Variants in STK3 observed in about 807,000 individuals in gnomAD.
The protein encoded by STK3 is serine/threonine kinase 3.
In STK3, 41 loss-of-function variants were observed where a neutral mutation model predicts 58.0. The observed-to-expected ratio is 0.71, with a 90% confidence interval of 0.55 to 0.92. The LOEUF (loss-of-function observed/expected upper bound fraction) is 0.92, where lower values mean the gene tolerates loss of function less well. Ranked by LOEUF, STK3 falls within the 40% of genes least tolerant of loss-of-function variation. The probability of loss-of-function intolerance (pLI) is 0.00; values close to 1 mark genes in which losing one functional copy is unlikely to be tolerated. For synonymous variants in STK3, 170 were observed against 191.0 expected (o/e 0.89, Z 0.91); for missense variants, 479 against 602.7 (o/e 0.79, Z 2.15).
intron 8 of STK3, among the ~76,000 whole-genome samples, chr8:98,560,287 ACAT>A (rs1458218592): frequency 1.3e-5 from 2 of 152,172 alleles, no homozygotes; most frequent in Non-Finnish European, 2.9e-5. Flanking sequence ...TTTGCAGATG[ACAT>A]CATTGTCTGT....
At chr8:98,698,540 C>T (rs1226286438) in intron 6 of STK3, among the ~76,000 whole-genome samples, 1 of 152,148 alleles carries the variant, frequency 6.6e-6, no homozygotes. Context: ...CCTTCAGGAG[C>T]TCTTTTAGGG....
intron 3 of STK3, among the ~76,000 whole-genome samples, chr8:98,858,509 T>C (rs2131846230): frequency 6.6e-6 from 1 of 151,168 alleles, no homozygotes; most frequent in South Asian, 2.1e-4. Context: ...GTATCTTATG[T>C]TTAACCGAAA....
intron 3 of STK3, among the ~76,000 whole-genome samples, chr8:98,407,837 C>T (rs1304769252): frequency 6.6e-6 from 1 of 152,130 alleles, no homozygotes; most frequent in East Asian, 1.9e-4. Flanking sequence ...TATGCTGTCA[C>T]ATCTCAGCAC....
At position 98,825,624 on chromosome 8, in the gene STK3, T is replaced by C. The variant is rs1395912775; in HGVS notation, c.-84A>G. On this transcript the variant is annotated 5_prime_UTR_variant, in exon 1 of 11. Coordinates refer to ENST00000419617, the MANE Select transcript of STK3 (RefSeq NM_006281.4). ...AGCCGGGGCACCGGCCGGCCGAGCC[T>C]AGGGCACCACAGAGGGAAACTCTGG... The C allele has an allele frequency of 5.3e-6, 7 of 1,330,958 alleles. No homozygotes were observed. Among genetic ancestry groups the C allele is most frequent in the East Asian group, 3.4e-5 (1 of 29,448 alleles). 82.4% of individuals were successfully genotyped at this position (1,330,958 alleles called of 1,614,324 possible).
intron 1 of STK3, among the ~76,000 whole-genome samples, chr8:98,893,522 A>G (rs1041891734): frequency 6.7e-6 from 1 of 150,068 alleles, no homozygotes. Flanking sequence ...GAAAGAAAGA[A>G]AGAAAGAAAG....
chr8:98,503,593 T>C (rs575212448), intron 10 of STK3, among the ~76,000 whole-genome samples: 1 of 152,368 alleles, frequency 6.6e-6, no homozygotes, highest in South Asian at 2.1e-4. Flanking sequence ...GAGAATCTGG[T>C]ACGTTGTGTC....
chr8:98,429,608 C>A, intron 3 of STK3: 1 of 548,414 alleles, frequency 1.8e-6, no homozygotes, highest in Non-Finnish European at 3.3e-6. Context: ...GACACCATGC[C>A]TTTGCACCTT....
chr8:98,428,501 G>T lies in STK3; in HGVS notation n.483+5626C>A. 2.5e-6 allele frequency: 4 copies of T among 1,614,134 alleles called. No homozygotes were observed. Among genetic ancestry groups the T allele is most frequent in the Non-Finnish European group, 3.4e-6 (4 of 1,180,034 alleles). ...TCGGCAACTTCCGCAGGCAGCTGTG[G>T]CTGGCGCTGGACAACCCCGGCTACT... On this transcript the variant is annotated intron_variant and non_coding_transcript_variant, in intron 3 of 3. Coordinates refer to the STK3 transcript ENST00000517832. This position sits in a 1 kb window ranked among gnomAD's most constrained non-coding sequence, Gnocchi z 6.7.
intron 3 of STK3, among the ~76,000 whole-genome samples, chr8:98,764,720 A>C (rs1004233285): frequency 6.6e-6 from 1 of 152,230 alleles, no homozygotes; most frequent in African/African-American, 2.4e-5. Flanking sequence ...AGTAACCATT[A>C]TGTGGCAGGA....
intron 1 of STK3, among the ~76,000 whole-genome samples, chr8:98,382,747 G>T (rs1817750001): frequency 6.6e-6 from 1 of 152,154 alleles, no homozygotes. Context: ...GTCCACTCCA[G>T]CGGCCACATG....
chr8:98,527,455 T>C (rs1449394779), intron 9 of STK3, among the ~76,000 whole-genome samples: 1 of 151,688 alleles, frequency 6.6e-6, no homozygotes, highest in Non-Finnish European at 1.5e-5. Flanking sequence ...TCTGTCTCTA[T>C]AAAAAATACA....
chr8:98,535,772 A>G (rs1343530060), intron 9 of STK3, among the ~76,000 whole-genome samples: 8 of 152,328 alleles, frequency 5.3e-5, no homozygotes, highest in Admixed American at 5.2e-4. Context: ...GGGAAGGAGA[A>G]GGAGAAAAAT....
intron 8 of STK3, among the ~76,000 whole-genome samples, chr8:98,554,471 G>A (rs772379846): frequency 2.0e-5 from 3 of 152,002 alleles, no homozygotes; most frequent in African/African-American, 4.8e-5. Context: ...TCTACAAAGG[G>A]ACAATAAAGC....
intron 1 of STK3, among the ~76,000 whole-genome samples, chr8:98,825,043 A>C (rs1351946684): frequency 6.6e-6 from 1 of 152,234 alleles, no homozygotes; most frequent in Non-Finnish European, 1.5e-5. Context: ...AATAACAGTA[A>C]ATACCATACC....
chr8:98,392,916 C>T (rs1190096211), upstream of STK3, among the ~76,000 whole-genome samples: 5 of 152,158 alleles, frequency 3.3e-5, no homozygotes, highest in Non-Finnish European at 7.4e-5. Context: ...TATCCTGGAT[C>T]CCCCCTTCAG....
chr8:98,546,488 C>A (rs1319243213), intron 9 of STK3, among the ~76,000 whole-genome samples: 2 of 152,076 alleles, frequency 1.3e-5, no homozygotes, highest in African/African-American at 4.8e-5. Context: ...AAAAAGCACT[C>A]AATGATCTAA....
intron 9 of STK3, among the ~76,000 whole-genome samples, chr8:98,543,008 C>T (rs555020296): frequency 1.3e-5 from 2 of 152,272 alleles, no homozygotes; most frequent in South Asian, 2.1e-4. Context: ...CAAAAGCACA[C>T]GCTCACAATA....
chr8:98,697,240 TTC>T (rs1304942612), intron 6 of STK3, among the ~76,000 whole-genome samples: 3 of 152,242 alleles, frequency 2.0e-5, no homozygotes, highest in African/African-American at 7.2e-5. Context: ...TATTTGATTC[TTC>T]TCTCTTTTCT....
chr8:98,540,327 C>A (rs894824631), intron 9 of STK3, among the ~76,000 whole-genome samples: 2 of 152,082 alleles, frequency 1.3e-5, no homozygotes, highest in Non-Finnish European at 2.9e-5. Flanking sequence ...ATGCCCAAGC[C>A]CTGCTCTAGT....
Sources: gnomAD v4.1 joint callset for allele counts (sites outside exome capture counted in the v4.1 genomes callset) on GRCh38, gnomAD v4.1.1 for gene constraint, Gnocchi (gnomAD v3.1) non-coding constraint, MANE v1.5 for transcripts, NCBI Gene and HGNC (gene_info 2026-07-23, HGNC 2026-07-21) for gene names.